KREMEN1: variants seen among roughly 807,000 people sequenced by gnomAD.
The protein encoded by KREMEN1 is kremen protein 1.
A neutral mutation model predicts 46.5 loss-of-function variants in KREMEN1; 30 were observed. The ratio of observed to expected loss-of-function variants is 0.65; its 90% CI spans 0.48 to 0.88. KREMEN1 has a LOEUF of 0.88. Among genes scored for constraint, KREMEN1 ranks in the 40% least tolerant of loss-of-function variants. The pLI is 0.00. For synonymous variants in KREMEN1, 214 were observed against 230.6 expected (o/e 0.93, Z 0.65); for missense variants, 533 against 596.9 (o/e 0.89, Z 1.11).
chr22:29,121,562 C>A, intron 4 of KREMEN1, 81 bp downstream of exon 4: 4 of 1,486,862 alleles, frequency 2.7e-6, no homozygotes, highest in Non-Finnish European at 3.7e-6. Context: ...AAAATAAGTG[C>A]TAAGTAAAAT....
intron 1 of KREMEN1, among the ~76,000 whole-genome samples, chr22:29,090,657 GA>G (rs1001253833): frequency 6.6e-6 from 1 of 151,546 alleles, no homozygotes; most frequent in Non-Finnish European, 1.5e-5. Context: ...CTGTTTTGAA[GA>G]AAAAAAATAA....
intron 2 of KREMEN1, among the ~76,000 whole-genome samples, chr22:29,095,086 C>T (rs2037865052): frequency 2.0e-5 from 3 of 152,284 alleles, no homozygotes; most frequent in Admixed American, 2.0e-4. Context: ...CCGAGAATGT[C>T]GTGGTCAGAC....
chr22:29,111,834 G>A (rs1181660178), intron 3 of KREMEN1, among the ~76,000 whole-genome samples: 2 of 152,160 alleles, frequency 1.3e-5, no homozygotes, highest in Admixed American at 1.3e-4. Flanking sequence ...AGTCAGGGCT[G>A]CTTCTTAGTG....
Position 29,138,647 on chromosome 22 carries a change from G to A in KREMEN1, c.988G>A (p.Glu330Lys), listed in dbSNP as rs142876972. 291 of 1,614,222 alleles carry A rather than the reference G, an allele frequency of 1.8e-4. 1 individual carries two copies. In the African/African-American group the frequency reaches 3.5e-3, roughly 20 times the overall value. ...YQAVKEELPQ[E>K]RPAVNQTVAE... ...AGCCGTCAAGGAAGAACTGCCACAG[G>A]AGAGGCCCGCTGTCAACCAGACGGT... Residue 330 changes from glutamate to lysine, a missense_variant, in exon 7 of 9, where the codon GAG (glutamate) becomes AAG (lysine). Coordinates refer to ENST00000400335, the MANE Select transcript of KREMEN1 (RefSeq NM_001039570.3).
chr22:29,094,572 TACACACACAC>T (rs134658), intron 2 of KREMEN1, 152 bp downstream of exon 2: 11,991 of 255,216 alleles, frequency 0.047, 553 homozygotes, highest in African/African-American at 0.14. Context: ...TTTCACACCT[TACACACACAC>T]ACACACACAC....
chr22:29,096,835 C>T (rs1452939581), intron 2 of KREMEN1, among the ~76,000 whole-genome samples: 1 of 152,186 alleles, frequency 6.6e-6, no homozygotes, highest in Non-Finnish European at 1.5e-5. Context: ...CAATGAAATA[C>T]TGTTTAAAGA....
At chr22:29,095,325 C>T (rs2037868214) in intron 2 of KREMEN1, among the ~76,000 whole-genome samples, 1 of 152,186 alleles carries the variant, frequency 6.6e-6, no homozygotes, top group African/African-American at 2.4e-5. Context: ...AAAAGTGATT[C>T]ACAATTTCCT....
intron 8 of KREMEN1, among the ~76,000 whole-genome samples, chr22:29,141,413 T>C (rs1251218398): frequency 6.6e-6 from 1 of 152,198 alleles, no homozygotes; most frequent in Non-Finnish European, 1.5e-5. Context: ...ATGCTTCCTA[T>C]AGCGTCCAGC....
chr22:29,075,395 C>CT (rs2037550954), intron 1 of KREMEN1, among the ~76,000 whole-genome samples: 1 of 152,130 alleles, frequency 6.6e-6, no homozygotes, highest in South Asian at 2.1e-4. Flanking sequence ...GATATCTTTG[C>CT]TTTTTTAAGG....
chr22:29,081,297 G>A (rs2037651171), intron 1 of KREMEN1, among the ~76,000 whole-genome samples: 1 of 151,952 alleles, frequency 6.6e-6, no homozygotes, highest in Non-Finnish European at 1.5e-5. Context: ...TCAGTAAGGG[G>A]GTCTGTGATT....
chr22:29,074,949 T>C (rs2037543150), intron 1 of KREMEN1, among the ~76,000 whole-genome samples: 1 of 152,200 alleles, frequency 6.6e-6, no homozygotes, highest in Admixed American at 6.5e-5. Flanking sequence ...TTATAGGGCC[T>C]CACAGTTCAT....
At chr22:29,118,325 T>A (rs2145806108) in intron 3 of KREMEN1, among the ~76,000 whole-genome samples, 1 of 152,278 alleles carries the variant, frequency 6.6e-6, no homozygotes, top group East Asian at 1.9e-4. Context: ...GTTTGCCACA[T>A]TCTACTTGTC....
At chr22:29,159,273 G>T (rs984868210) in intron 9 of KREMEN1, among the ~76,000 whole-genome samples, 1 of 152,000 alleles carries the variant, frequency 6.6e-6, no homozygotes, top group African/African-American at 2.4e-5. Flanking sequence ...GCCAGCCCAG[G>T]AGTGTTTTGC....
rs768781821 is a variant in KREMEN1, at chr22:29,137,445, C to T, written c.735C>T (p.Thr245=). 1.3e-5 allele frequency: 21 copies of T among 1,601,882 alleles called. No individual in the cohort carries two copies. In the East Asian group the frequency reaches 3.1e-4, roughly 24 times the overall value. Residue 245 remains threonine, a synonymous_variant, in exon 6 of 9, where the codon ACC becomes ACT. Transcript: ENST00000400335. The part of the protein sequence containing the change: ...TYATGRVCYW[T]IRVPGASHIH... ...CCACGGGGAGGGTCTGCTACTGGAC[C>T]ATCCGGGTTCCGGGGGCCTCCCACA...
chr22:29,157,976 C>T (rs1458556826), intron 9 of KREMEN1, among the ~76,000 whole-genome samples: 1 of 152,196 alleles, frequency 6.6e-6, no homozygotes, highest in Non-Finnish European at 1.5e-5. Context: ...CATGGTCTCA[C>T]CTGGATGCAA....
At chr22:29,150,496 A>G (rs1181977002), downstream of KREMEN1, among the ~76,000 whole-genome samples, 1 of 152,248 alleles carries the variant, frequency 6.6e-6, no homozygotes, top group Non-Finnish European at 1.5e-5. Flanking sequence ...GCAACAGTGA[A>G]GCTGCAGATC....
chr22:29,084,742 TCA>T (rs2037705508), intron 1 of KREMEN1, among the ~76,000 whole-genome samples: 1 of 152,242 alleles, frequency 6.6e-6, no homozygotes, highest in Non-Finnish European at 1.5e-5. Context: ...CCCTGTAAGT[TCA>T]GTTTTTCTTA....
At chr22:29,135,504 C>T (rs1169523331) in intron 5 of KREMEN1, among the ~76,000 whole-genome samples, 2 of 152,132 alleles carry the variant, frequency 1.3e-5, no homozygotes, top group African/African-American at 4.8e-5. Flanking sequence ...AGGAAGTGGG[C>T]AGTATTCCAT....
rs780702990 is a variant in KREMEN1 at position 29,125,246 on chromosome 22, C to G, written c.478-17C>G. On this transcript the variant is annotated splice_polypyrimidine_tract_variant and intron_variant, in intron 4 of 8. Coordinates refer to ENST00000400335, the MANE Select transcript of KREMEN1 (RefSeq NM_001039570.3). ...CCCTGATGATGCTTACCGTGTGCTG[C>G]TTCTCTGTTGTGGCAGTTTGCTGGG... The G allele has an allele frequency of 1.1e-5, 18 of 1,613,432 alleles. No individual in the cohort carries two copies. In the East Asian group the frequency reaches 4.0e-4, roughly 36 times the overall value.
Sources: allele counts gnomAD v4.1 joint callset (sites outside exome capture counted in the v4.1 genomes callset), GRCh38; gene constraint gnomAD v4.1.1; transcripts MANE v1.5; gene names NCBI Gene and HGNC (gene_info 2026-07-23, HGNC 2026-07-21).